Variants in DLC1 observed in about 807,000 individuals in gnomAD.
The protein encoded by DLC1 is DLC1 Rho GTPase activating protein.
A neutral mutation model predicts 140.3 loss-of-function variants in DLC1; 54 were observed. The observed-to-expected ratio is 0.38, with a 90% CI of 0.31 to 0.48. The LOEUF is 0.48. Ranked by LOEUF, DLC1 falls within the 20% of genes least tolerant of loss-of-function variation. DLC1 has a pLI of 0.96. For missense variants in DLC1, 2,536 were observed against 1,907.0 expected, an observed-to-expected ratio of 1.33 and a Z score of -6.14; for synonymous variants, 986 against 728.1, an observed-to-expected ratio of 1.35 and a Z score of -5.70.
At chr8:13,366,183 A>T (rs183877845) in intron 4 of DLC1, among the ~76,000 whole-genome samples, 1 of 152,138 alleles carries the variant, frequency 6.6e-6, no homozygotes, top group South Asian at 2.1e-4. Flanking sequence ...TGGAATTCCT[A>T]TTGGGAGCCC....
In DLC1 at chr8:13,454,974, G is replaced by GT. The variant is rs1039515576; in HGVS notation, c.1023+44074dup. 2.8e-4 allele frequency among the ~76,000 whole-genome samples: 43 copies of GT among 151,200 alleles called. 1 individual carries two copies. Among genetic ancestry groups the GT allele is most frequent in the Admixed American group, 3.3e-4 (5 of 15,176 alleles). Reference sequence around the variant, plus strand: ...GGACTTCTTTGAAATCTGAGATCTAGTTTTTTTTTGTTGTTCACTGAATCT... The same window carrying GT: ...GGACTTCTTTGAAATCTGAGATCTAGTTTTTTTTTTGTTGTTCACTGAATCT... On this transcript the variant is annotated intron_variant, in intron 2 of 17. Transcript: ENST00000276297.
At chr8:13,595,809 A>G (rs1196717751) in intron 1 of DLC1, among the ~76,000 whole-genome samples, 1 of 151,946 alleles carries the variant, frequency 6.6e-6, no homozygotes, top group Non-Finnish European at 1.5e-5. Flanking sequence ...ACAGTACATT[A>G]TTTTTTCTTG....
intron 5 of DLC1, among the ~76,000 whole-genome samples, chr8:13,198,359 G>A (rs908475999): frequency 1.3e-5 from 2 of 152,138 alleles, no homozygotes; most frequent in African/African-American, 4.8e-5. Context: ...AAGGAGAGAT[G>A]CTGAGCCGGT....
At chr8:13,501,135 T>C (rs147415247) in intron 1 of DLC1, among the ~76,000 whole-genome samples, 104 of 152,330 alleles carry the variant, frequency 6.8e-4, no homozygotes, top group African/African-American at 2.5e-3. Context: ...ATAAGACAAT[T>C]GGGACTATTC....
At chr8:13,524,329 G>C (rs1448809334) in intron 1 of DLC1, among the ~76,000 whole-genome samples, 1 of 151,702 alleles carries the variant, frequency 6.6e-6, no homozygotes, top group Non-Finnish European at 1.5e-5. Context: ...GTAGAGATGG[G>C]GTTTTGCCAT....
chr8:13,268,856 C>T (rs899903961), intron 5 of DLC1, among the ~76,000 whole-genome samples: 4 of 150,986 alleles, frequency 2.6e-5, no homozygotes, highest in African/African-American at 9.7e-5. Context: ...CTACCCCTCC[C>T]ATCTGTGCTT....
At chr8:13,505,787 AT>A (rs975807322) in intron 1 of DLC1, among the ~76,000 whole-genome samples, 3 of 152,230 alleles carry the variant, frequency 2.0e-5, no homozygotes, top group Non-Finnish European at 4.4e-5. Context: ...CTCCTGGGGA[AT>A]TCCTGAAATT....
intron 5 of DLC1, among the ~76,000 whole-genome samples, chr8:13,261,920 A>G (rs926831669): frequency 2.6e-5 from 4 of 152,240 alleles, no homozygotes; most frequent in African/African-American, 9.6e-5. Flanking sequence ...GCATTAAATA[A>G]TAATTCAGGA....
intron 4 of DLC1, among the ~76,000 whole-genome samples, chr8:13,388,848 A>G (rs940416946): frequency 1.3e-5 from 2 of 152,068 alleles, no homozygotes; most frequent in African/African-American, 2.4e-5. Flanking sequence ...AACCTACACT[A>G]TGCTTGGAGG....
intron 5 of DLC1, among the ~76,000 whole-genome samples, chr8:13,249,106 C>T (rs368337678): frequency 4.6e-5 from 7 of 152,264 alleles, no homozygotes; most frequent in Admixed American, 1.3e-4. Flanking sequence ...GACAAAGTCT[C>T]GCTCTTGTTG....
At chr8:13,244,401 G>C (rs1829672404) in intron 5 of DLC1, among the ~76,000 whole-genome samples, 1 of 151,396 alleles carries the variant, frequency 6.6e-6, no homozygotes, top group South Asian at 2.1e-4. Context: ...GGACTCAAGT[G>C]ATCCTCTCTT....
chr8:13,539,383 G>C (rs1410743216), intron 1 of DLC1, among the ~76,000 whole-genome samples: 1 of 151,982 alleles, frequency 6.6e-6, no homozygotes, highest in African/African-American at 2.4e-5. Flanking sequence ...TGTATTTTTG[G>C]TAGAGACGGG....
At chr8:13,439,114 C>G (rs1360696252) in intron 2 of DLC1, among the ~76,000 whole-genome samples, 1 of 152,092 alleles carries the variant, frequency 6.6e-6, no homozygotes, top group Non-Finnish European at 1.5e-5. Flanking sequence ...ATTACAAGGT[C>G]AAGAGTTCGA....
At chr8:13,232,496 G>A (rs1369873668) in intron 5 of DLC1, among the ~76,000 whole-genome samples, 1 of 152,080 alleles carries the variant, frequency 6.6e-6, no homozygotes, top group Admixed American at 6.6e-5. Flanking sequence ...ACCATGCCTG[G>A]CTAATTTTTG....
Position 13,156,473 on chromosome 8 carries a change from T to G in DLC1, c.1349-40816A>C, listed in dbSNP as rs1373695814. Among the ~76,000 whole-genome samples, 3 of 152,226 alleles carry G rather than the reference T, an allele frequency of 2.0e-5. No homozygotes were observed. The South Asian group carries it at 6.2e-4, about 31-fold the overall frequency. On this transcript the variant is annotated intron_variant, in intron 5 of 17. Transcript: ENST00000276297. ...TGTTCTGTTGTGTGAGTTGCCCTGA[T>G]GAAAACTCTTCTTTTCCTTCCCACC...
chr8:13,451,066 A>AAAAG (rs1799028447), intron 2 of DLC1, among the ~76,000 whole-genome samples: 2 of 147,822 alleles, frequency 1.4e-5, no homozygotes, highest in Non-Finnish European at 3.0e-5. Flanking sequence ...AAAAAAAAAA[A>AAAAG]AAGAAAAAAA....
At chr8:13,409,337 TA>T (rs1208141904) in intron 2 of DLC1, among the ~76,000 whole-genome samples, 1 of 152,188 alleles carries the variant, frequency 6.6e-6, no homozygotes, top group Non-Finnish European at 1.5e-5. Flanking sequence ...TACTATGTTT[TA>T]GGAAATGCTT....
intron 2 of DLC1, among the ~76,000 whole-genome samples, chr8:13,416,761 T>C (rs1442042799): frequency 6.6e-6 from 1 of 152,230 alleles, no homozygotes; most frequent in Non-Finnish European, 1.5e-5. Context: ...TAAATGTAGA[T>C]TCCTGGCTTA....
intron 1 of DLC1, chr8:13,567,988 A>T: frequency 6.7e-7 from 1 of 1,482,200 alleles, no homozygotes; most frequent in South Asian, 1.4e-5. Context: ...TTGAGTAATT[A>T]CCATAATTTC....
Sources: allele counts gnomAD v4.1 joint callset (sites outside exome capture counted in the v4.1 genomes callset), GRCh38; gene constraint gnomAD v4.1.1; transcripts MANE v1.5; gene names NCBI Gene and HGNC (gene_info 2026-07-23, HGNC 2026-07-21).